Variants in MAST2 observed in about 807,000 individuals in gnomAD.
MAST2 encodes the protein microtubule associated serine/threonine kinase 2.
A neutral mutation model predicts 147.4 loss-of-function variants in MAST2; 70 were observed. The ratio of observed to expected loss-of-function variants is 0.47; its 90% CI spans 0.39 to 0.58. MAST2 has a LOEUF of 0.58. MAST2 is among the 20% of genes least tolerant of loss of function. MAST2 has a pLI of 0.00. For missense variants in MAST2, 2,080 were observed against 2,302.3 expected (o/e 0.90, Z 1.98); for synonymous variants, 869 against 896.8 (o/e 0.97, Z 0.55).
chr1:45,882,530 G>T (rs1293695513), intron 4 of MAST2, 135 bp downstream of exon 4: 1 of 651,130 alleles, frequency 1.5e-6, no homozygotes, highest in Non-Finnish European at 2.6e-6. Flanking sequence ...CTGAGCTAGG[G>T]AAGCCAGCAG....
intron 9 of MAST2, among the ~76,000 whole-genome samples, chr1:46,008,672 A>C (rs1645589214): frequency 6.6e-6 from 1 of 152,218 alleles, no homozygotes; most frequent in Admixed American, 6.5e-5. Flanking sequence ...CCATATATTA[A>C]AGAGGAAAGA....
Position 45,995,196 on chromosome 1 carries a change from G to A in MAST2, c.593-2528G>A, listed in dbSNP as rs116912928. 8.5e-5 allele frequency among the ~76,000 whole-genome samples: 13 copies of A among 152,134 alleles called. No homozygotes were observed. The East Asian group carries it at 2.1e-3, about 25-fold the overall frequency. On this transcript the variant is annotated intron_variant, in intron 5 of 28. Coordinates refer to ENST00000361297, the MANE Select transcript of MAST2 (RefSeq NM_015112.3). ...GCTGTCTTCTTGCATTGTTTCCAAC[G>A]AGAAATCTGCTATAATCCTTGTCTT... is the stretch of plus-strand genomic sequence containing the variant.
At chr1:45,850,245 T>C (rs1645581169) in intron 3 of MAST2, among the ~76,000 whole-genome samples, 1 of 152,230 alleles carries the variant, frequency 6.6e-6, no homozygotes, top group African/African-American at 2.4e-5. Flanking sequence ...CTGTATATCT[T>C]CTTTTGAGAA....
chr1:45,879,145 G>T (rs1646732041), intron 3 of MAST2, among the ~76,000 whole-genome samples: 1 of 150,722 alleles, frequency 6.6e-6, no homozygotes, highest in Non-Finnish European at 1.5e-5. Flanking sequence ...AGCCCAGAAA[G>T]GTTAAAAAAA....
intron 3 of MAST2, among the ~76,000 whole-genome samples, chr1:45,868,619 G>C (rs1646258206): frequency 6.6e-6 from 1 of 152,016 alleles, no homozygotes; most frequent in South Asian, 2.1e-4. Context: ...TTATTTTGGA[G>C]GATATATGAC....
intron 3 of MAST2, among the ~76,000 whole-genome samples, chr1:45,843,812 G>A (rs775693328): frequency 2.0e-5 from 3 of 152,064 alleles, no homozygotes; most frequent in Non-Finnish European, 4.4e-5. Context: ...GGGTATATGA[G>A]TAATGTTAAG....
At chr1:45,924,651 T>TC (rs1421885423) in intron 4 of MAST2, among the ~76,000 whole-genome samples, 23 of 152,332 alleles carry the variant, frequency 1.5e-4, no homozygotes, top group Non-Finnish European at 2.8e-4. Flanking sequence ...TGAGTATAAC[T>TC]ATTATAGGCT....
intron 4 of MAST2, among the ~76,000 whole-genome samples, chr1:45,933,875 G>A (rs1655768979): frequency 6.7e-6 from 1 of 150,006 alleles, no homozygotes; most frequent in Admixed American, 6.6e-5. Context: ...ACAAAATATT[G>A]TATCCTTCTA....
intron 2 of MAST2, among the ~76,000 whole-genome samples, chr1:45,827,021 G>A (rs1644814053): frequency 6.6e-6 from 1 of 151,938 alleles, no homozygotes; most frequent in African/African-American, 2.4e-5. Context: ...GTAGAGACGG[G>A]GTTTCACTAT....
At chr1:45,968,444 G>A (rs1275951615) in intron 5 of MAST2, among the ~76,000 whole-genome samples, 2 of 147,550 alleles carry the variant, frequency 1.4e-5, no homozygotes, top group Non-Finnish European at 3.0e-5. Flanking sequence ...AATTTCACAG[G>A]GTACAGAATT....
intron 6 of MAST2, chr1:46,001,035 A>C (rs1416685633): frequency 8.0e-7 from 1 of 1,248,634 alleles, no homozygotes; most frequent in Non-Finnish European, 1.1e-6. Context: ...ATGGCCAGAC[A>C]ATATGGTTTG....
intron 5 of MAST2, among the ~76,000 whole-genome samples, chr1:45,972,359 T>C (rs1643947498): frequency 6.6e-6 from 1 of 152,138 alleles, no homozygotes; most frequent in South Asian, 2.1e-4. Flanking sequence ...ACTTAAGCAA[T>C]ACAAAGAAGT....
chr1:45,991,008 G>T (rs1267915836), intron 5 of MAST2, among the ~76,000 whole-genome samples: 1 of 151,652 alleles, frequency 6.6e-6, no homozygotes, highest in Non-Finnish European at 1.5e-5. Flanking sequence ...ATCGTTTTTT[G>T]TTTTTACATT....
At chr1:45,857,873 T>G (rs1277556495) in intron 3 of MAST2, among the ~76,000 whole-genome samples, 3 of 75,994 alleles carry the variant, frequency 3.9e-5, no homozygotes, top group African/African-American at 9.3e-5. Flanking sequence ...TTTTTTTTTT[T>G]GTCCTTGCGA....
At chr1:45,900,155 G>A (rs897677780) in intron 4 of MAST2, among the ~76,000 whole-genome samples, 1 of 122,680 alleles carries the variant, frequency 8.2e-6, no homozygotes, top group Admixed American at 9.2e-5. Context: ...GGGCGACAGA[G>A]CGAGACTCTC....
intron 10 of MAST2, 135 bp from the exon 11 acceptor site, chr1:46,019,461 C>G: frequency 1.5e-6 from 1 of 652,110 alleles, no homozygotes; most frequent in Non-Finnish European, 2.6e-6. Context: ...AGCCAGCCTT[C>G]TCTGAGTTCC....
At chr1:45,882,422 A>G in intron 4 of MAST2, 27 bp downstream of exon 4, 1 of 1,578,858 alleles carries the variant, frequency 6.3e-7, no homozygotes, top group Non-Finnish European at 8.7e-7. Flanking sequence ...TACCATTATG[A>G]TTATGATCTC....
At position 45,877,211 on chromosome 1, in the gene MAST2, G is replaced by A. The variant is rs369657792; in HGVS notation, c.469-5153G>A. ...GCTGTTTCTTCACATGGTGGAGGAT[G>A]GAAAGGCAAAAAGGGCTGAAAGCTG... On this transcript the variant is annotated intron_variant, in intron 3 of 28. Coordinates refer to ENST00000361297, the MANE Select transcript of MAST2 (RefSeq NM_015112.3). Among the ~76,000 whole-genome samples, 4 of 152,216 alleles carry A rather than the reference G, an allele frequency of 2.6e-5. No homozygotes were observed. The East Asian group carries it at 5.8e-4, about 22-fold the overall frequency.
rs995405713 is a variant in MAST2 at position 46,017,857 on chromosome 1, A to G, written c.1189-1739A>G. On this transcript the variant is annotated intron_variant, in intron 10 of 28. Transcript: ENST00000361297. ...GACTATAAATCATGCTGCTATAAAG[A>G]CACATGCACACGTATGTTTATTGCG... Among the ~76,000 whole-genome samples the G allele has an allele frequency of 2.0e-5, 3 of 152,222 alleles. No individual in the cohort carries two copies. In the East Asian group the frequency reaches 5.8e-4, roughly 29 times the overall value.
Sources: allele counts gnomAD v4.1 joint callset (sites outside exome capture counted in the v4.1 genomes callset), GRCh38; gene constraint gnomAD v4.1.1; transcripts MANE v1.5; gene names NCBI Gene and HGNC (gene_info 2026-07-23, HGNC 2026-07-21).